The following SYNE1 variants were observed in gnomAD, a reference collection of about 807,000 sequenced individuals.
SYNE1 encodes nesprin-1.
Under a neutral mutation model 1,111.0 loss-of-function variants are expected in SYNE1, and 616 were observed. The ratio of observed to expected loss-of-function variants is 0.55; its 90% CI spans 0.52 to 0.59. The LOEUF (loss-of-function observed/expected upper bound fraction) is 0.59, where lower values mean the gene tolerates loss of function less well. Among genes scored for constraint, SYNE1 ranks in the 20% least tolerant of loss-of-function variants. SYNE1 has a pLI of 0.00. For missense variants in SYNE1, 10,006 were observed against 10,417.0 expected (o/e 0.96, Z 1.72); for synonymous variants, 3,855 against 3,825.8 (o/e 1.01, Z -0.28).
intron 108 of SYNE1, among the ~76,000 whole-genome samples, chr6:152,238,246 T>G (rs1180233572): frequency 6.6e-6 from 1 of 152,148 alleles, no homozygotes; most frequent in Non-Finnish European, 1.5e-5. Flanking sequence ...GAAACACACA[T>G]TTCAGGTCGT....
intron 130 of SYNE1, 116 bp downstream of exon 130, chr6:152,176,278 T>G: frequency 3.5e-6 from 5 of 1,425,606 alleles, no homozygotes; most frequent in Non-Finnish European, 4.9e-6. Flanking sequence ...TTGAAAATGG[T>G]GAGATAACCC....
intron 95 of SYNE1, 54 bp downstream of exon 95, chr6:152,293,534 C>A: frequency 6.2e-7 from 1 of 1,606,194 alleles, no homozygotes; most frequent in South Asian, 1.1e-5. Context: ...GCCAACCAGT[C>A]ACAACAGTGC....
At chr6:152,500,662 C>T (rs1010855662) in intron 10 of SYNE1, among the ~76,000 whole-genome samples, 5 of 151,938 alleles carry the variant, frequency 3.3e-5, no homozygotes, top group Admixed American at 2.6e-4. Flanking sequence ...ATTTAGAAAA[C>T]ATATTGACCA....
intron 3 of SYNE1, among the ~76,000 whole-genome samples, chr6:152,567,182 A>T (rs1447628475): frequency 1.3e-5 from 2 of 152,044 alleles, no homozygotes; most frequent in Non-Finnish European, 2.9e-5. Flanking sequence ...ACTTAGCGCA[A>T]GTCTTCTAGG....
intron 145 of SYNE1, among the ~76,000 whole-genome samples, chr6:152,129,835 G>C (rs896122239): frequency 1.3e-5 from 2 of 152,142 alleles, no homozygotes; most frequent in Non-Finnish European, 2.9e-5. Context: ...AGTTTCCAGA[G>C]GGACAAGCTA....
chr6:152,331,868 C>T lies in SYNE1; in HGVS notation c.12817G>A (p.Val4273Ile), dbSNP rs373880655. The change falls in exon 78 of 146, where the codon GTC becomes ATC. Residue 4273 changes from valine to isoleucine, a missense_variant. Val to Ile is a conservative substitution (Grantham distance 29, BLOSUM62 3). Transcript: ENST00000367255. The stretch of plus-strand genomic sequence containing the variant: ...AACTTTTTCAAAGCTTCCAGGTGGA[C>T]AGCTGTACTCTCTGCATCAGATCTG... Reference protein sequence around the residue: ...LARSDAESTAVHLEALKKLAL... With the variant: ...LARSDAESTAIHLEALKKLAL... 1.2e-6 allele frequency: 2 copies of T among 1,612,664 alleles called. No homozygotes were observed. The highest frequency in any genetic ancestry group is 1.7e-6 in the Non-Finnish European group (2 of 1,180,030).
chr6:152,348,089 T>C (rs2096670724), intron 72 of SYNE1, among the ~76,000 whole-genome samples: 2 of 152,338 alleles, frequency 1.3e-5, no homozygotes, highest in Non-Finnish European at 1.5e-5. Flanking sequence ...TTTTAATTCT[T>C]GTAATATCTA....
intron 143 of SYNE1, 31 bp from the exon 144 acceptor site, chr6:152,132,245 C>T (rs1417123517): frequency 6.2e-7 from 1 of 1,602,156 alleles, no homozygotes; most frequent in South Asian, 1.1e-5. Context: ...TTTAACAACT[C>T]CATGTCCCAG....
intron 25 of SYNE1, among the ~76,000 whole-genome samples, chr6:152,452,723 T>C (rs1028498958): frequency 1.3e-5 from 2 of 152,344 alleles, no homozygotes; most frequent in South Asian, 4.1e-4. Context: ...GGGTCTCCAC[T>C]GTGCTGCAGC....
At chr6:152,250,043 A>C (rs1385131879) in intron 104 of SYNE1, among the ~76,000 whole-genome samples, 1 of 152,012 alleles carries the variant, frequency 6.6e-6, no homozygotes, top group Non-Finnish European at 1.5e-5. Flanking sequence ...GAGGCAGATC[A>C]CTTGAGGCCA....
At chr6:152,247,727 TTATATATA>T (rs1183787546) in intron 105 of SYNE1, among the ~76,000 whole-genome samples, 8 of 117,768 alleles carry the variant, frequency 6.8e-5, no homozygotes, top group Admixed American at 4.6e-4. Context: ...ATATTTTTTA[TTATATATA>T]TATATATATA....
At chr6:152,207,460 G>A (rs898196763) in intron 125 of SYNE1, among the ~76,000 whole-genome samples, 1 of 152,148 alleles carries the variant, frequency 6.6e-6, no homozygotes, top group African/African-American at 2.4e-5. Flanking sequence ...ACGAACGAAA[G>A]AACAGTGACT....
At position 152,353,713 on chromosome 6, in the gene SYNE1, T is replaced by C. The variant is rs747498901; in HGVS notation, c.10958A>G (p.Asp3653Gly). 6.2e-7 allele frequency: 1 copy of C among 1,614,158 alleles called. No homozygotes were observed. The change falls in exon 68 of 146, where the codon GAT becomes GGT. Residue 3653 changes from aspartate (D) to glycine (G), a missense_variant. Asp to Gly is a moderately conservative substitution (Grantham distance 94). Transcript: ENST00000367255. ...KWHEEVTAYR[D>G]EVEEVGARAQ... ...TCTAGCTCCCACTTCCTCAACTTCATCTCTGTATGCAGTCACTTCTTCGTG... is the reference window on the plus strand; with the variant it reads ...TCTAGCTCCCACTTCCTCAACTTCACCTCTGTATGCAGTCACTTCTTCGTG...
At chr6:152,632,468 T>G (rs527249151) in intron 2 of SYNE1, among the ~76,000 whole-genome samples, 3 of 152,304 alleles carry the variant, frequency 2.0e-5, no homozygotes, top group African/African-American at 7.2e-5. Context: ...ATTTAAATGA[T>G]GTTAATAAAA....
Position 152,353,543 on chromosome 6 carries a change from T to C in SYNE1, c.11082+46A>G, listed in dbSNP as rs2096779109. On this transcript the variant is annotated intron_variant, in intron 68 of 145. Transcript: ENST00000367255. Reference sequence around the variant, plus strand: ...TTAGTGAAAGGAAGGCTATTTTGGCTGGCGAAGTTTGCTGGTCTATGCTGA... The same window carrying C: ...TTAGTGAAAGGAAGGCTATTTTGGCCGGCGAAGTTTGCTGGTCTATGCTGA... 3 of 1,613,822 alleles carry C rather than the reference T, an allele frequency of 1.9e-6. No homozygotes were observed. The Admixed American group carries it at 5.0e-5, about 27-fold the overall frequency.
chr6:152,218,998 T>C lies in SYNE1; in HGVS notation c.22044+5A>G, dbSNP rs2079426779. On this transcript the variant is annotated splice_donor_5th_base_variant and intron_variant, in intron 120 of 145. Transcript: ENST00000367255. ...TACAGAAGATACTAAATAGGAGCTC[T>C]GTACCTGTAATGAAGTCTGCTGTTT... The C allele has an allele frequency of 1.2e-6, 2 of 1,613,654 alleles. No individual in the cohort carries two copies. The highest frequency in any genetic ancestry group is 1.7e-6 in the Non-Finnish European group (2 of 1,179,940).
In SYNE1 at chr6:152,203,468, A is replaced by C. The variant is rs554321252; in HGVS notation, c.23020-1519T>G. ...CACTCATCTCCCCAGTGGCCACTCC[A>C]TACACCGTGAATTACAGAATTCCAA... On this transcript the variant is annotated intron_variant, in intron 126 of 145. Coordinates refer to ENST00000367255, the MANE Select transcript of SYNE1 (RefSeq NM_182961.4). Among the ~76,000 whole-genome samples the C allele has an allele frequency of 2.0e-5, 3 of 152,278 alleles. No homozygotes were observed. In the South Asian group the frequency reaches 6.2e-4, roughly 32 times the overall value.
intron 41 of SYNE1, 137 bp downstream of exon 41, chr6:152,416,250 C>T: frequency 8.1e-7 from 1 of 1,232,128 alleles, no homozygotes; most frequent in Non-Finnish European, 1.2e-6. Context: ...AGCTTAATTT[C>T]TTTCTTTTGG....
At position 152,629,742 on chromosome 6, in the gene SYNE1, G is replaced by A. The variant is rs1363070142; in HGVS notation, c.-223-1188C>T. Among the ~76,000 whole-genome samples the A allele has an allele frequency of 4.6e-5, 7 of 152,236 alleles. No individual in the cohort carries two copies. The East Asian group carries it at 1.4e-3, about 29-fold the overall frequency. On this transcript the variant is annotated intron_variant, in intron 2 of 145. Transcript: ENST00000367255. Reference sequence around the variant, plus strand: ...CCAAGAGAAAGAAACGGCCTCCGAAGAGGCCCACAGGGAGGTGATACTTGA... The same window carrying A: ...CCAAGAGAAAGAAACGGCCTCCGAAAAGGCCCACAGGGAGGTGATACTTGA...
Sources: allele counts gnomAD v4.1 joint callset (sites outside exome capture counted in the v4.1 genomes callset), GRCh38; gene constraint gnomAD v4.1.1; transcripts MANE v1.5; gene names NCBI Gene and HGNC (gene_info 2026-07-23, HGNC 2026-07-21).